RIMS1: variants seen among roughly 807,000 people sequenced by gnomAD.
The protein encoded by RIMS1 is regulating synaptic membrane exocytosis protein 1.
RIMS1 carries 83 observed loss-of-function variants against 214.1 expected under a neutral mutation model. The observed-to-expected ratio is 0.39, with a 90% CI of 0.32 to 0.47. The LOEUF is 0.47. RIMS1 is among the 20% of genes least tolerant of loss of function. The probability of loss-of-function intolerance (pLI) is 0.99; values close to 1 mark genes in which losing one functional copy is unlikely to be tolerated. For missense variants in RIMS1, 2,050 were observed against 2,161.8 expected (o/e 0.95, Z 1.03); for synonymous variants, 793 against 786.8 (o/e 1.01, Z -0.13).
chr6:72,301,379 TCTCA>T (rs2094586573), intron 26 of RIMS1, among the ~76,000 whole-genome samples: 2 of 151,808 alleles, frequency 1.3e-5, no homozygotes, highest in South Asian at 4.1e-4. Flanking sequence ...CATCAAAGTC[TCTCA>T]CTATGTTTGC....
chr6:72,120,194 G>A (rs967737970), intron 4 of RIMS1, among the ~76,000 whole-genome samples: 1 of 151,788 alleles, frequency 6.6e-6, no homozygotes, highest in Non-Finnish European at 1.5e-5. Context: ...GGGTCAAATG[G>A]TATTTCTAGT....
chr6:71,958,291 CCAGTGAAGCT>C (rs1337760260), intron 1 of RIMS1, among the ~76,000 whole-genome samples: 5 of 152,044 alleles, frequency 3.3e-5, no homozygotes, highest in African/African-American at 1.2e-4. Context: ...TCAGGGTTTC[CCAGTGAAGCT>C]GTGGAACACA....
At chr6:72,279,144 T>C (rs2088559887) in intron 23 of RIMS1, among the ~76,000 whole-genome samples, 1 of 152,024 alleles carries the variant, frequency 6.6e-6, no homozygotes, top group Non-Finnish European at 1.5e-5. Context: ...AAAAGCTTTA[T>C]TTACCAACGT....
At chr6:72,300,244 G>A (rs987603864) in intron 26 of RIMS1, among the ~76,000 whole-genome samples, 1 of 151,670 alleles carries the variant, frequency 6.6e-6, no homozygotes, top group African/African-American at 2.4e-5. Flanking sequence ...AGTGTCATAG[G>A]CTTTTAAAGC....
intron 6 of RIMS1, among the ~76,000 whole-genome samples, chr6:72,189,340 G>C (rs553984894): frequency 8.7e-4 from 132 of 152,330 alleles, no homozygotes; most frequent in African/African-American, 3.1e-3. Flanking sequence ...GGTAAGACCA[G>C]TGAATTTCAT....
chr6:71,959,184 T>G (rs1196541279), intron 1 of RIMS1, among the ~76,000 whole-genome samples: 1 of 152,130 alleles, frequency 6.6e-6, no homozygotes, highest in African/African-American at 2.4e-5. Context: ...TAATAACACA[T>G]TTTCATATCT....
chr6:72,333,609 C>T lies in RIMS1; in HGVS notation c.4140C>T (p.Thr1380=). 1 of 1,585,230 alleles carries T rather than the reference C, an allele frequency of 6.3e-7. No homozygotes were observed. Among genetic ancestry groups the T allele is most frequent in the Non-Finnish European group, 8.6e-7 (1 of 1,165,082 alleles). ...ERPRGRISSF[T]PKMQGRRMGT... ...TACTTTGTAAATATAGTTCATTTAC[C>T]CCCAAAATGCAAGGCAGACGGATGG... Residue 1380 remains threonine, a synonymous_variant, in exon 29 of 34, where the codon ACC becomes ACT. Transcript: ENST00000521978.
chr6:72,351,853 A>T (rs1047550910), intron 29 of RIMS1, among the ~76,000 whole-genome samples: 1 of 152,176 alleles, frequency 6.6e-6, no homozygotes, highest in African/African-American at 2.4e-5. Flanking sequence ...TATAACATGT[A>T]TATCTATATA....
intron 9 of RIMS1, among the ~76,000 whole-genome samples, chr6:72,241,178 A>T (rs71557816): frequency 1.3e-5 from 2 of 152,230 alleles, no homozygotes; most frequent in Non-Finnish European, 2.9e-5. Context: ...TATTTAAAAA[A>T]TTCTAGGTAT....
intron 2 of RIMS1, among the ~76,000 whole-genome samples, chr6:72,032,607 A>G (rs544982021): frequency 9.9e-5 from 15 of 152,070 alleles, no homozygotes; most frequent in South Asian, 4.1e-4. Context: ...ATCAGATTTC[A>G]CCCCCACTCC....
At chr6:71,892,978 A>G (rs1228504962) in intron 1 of RIMS1, among the ~76,000 whole-genome samples, 1 of 152,228 alleles carries the variant, frequency 6.6e-6, no homozygotes, top group Non-Finnish European at 1.5e-5. Flanking sequence ...CAGATTTTAT[A>G]TGTAAAGTGG....
intron 6 of RIMS1, among the ~76,000 whole-genome samples, chr6:72,211,029 A>G (rs996625798): frequency 5.3e-5 from 8 of 152,192 alleles, no homozygotes; most frequent in African/African-American, 1.4e-4. Flanking sequence ...GGTTTAGTCA[A>G]TGAAAACCTC....
intron 26 of RIMS1, among the ~76,000 whole-genome samples, chr6:72,298,252 T>C (rs945856177): frequency 6.6e-6 from 1 of 152,030 alleles, no homozygotes; most frequent in Non-Finnish European, 1.5e-5. Flanking sequence ...ATAGGCTATA[T>C]TGAGCACTTA....
chr6:72,378,869 C>T (rs2098438761), intron 29 of RIMS1, among the ~76,000 whole-genome samples: 1 of 152,076 alleles, frequency 6.6e-6, no homozygotes, highest in Non-Finnish European at 1.5e-5. Flanking sequence ...GAAAAGGACA[C>T]CTCTGTTTAT....
chr6:72,087,560 T>A (rs1419052356), intron 2 of RIMS1, among the ~76,000 whole-genome samples: 1 of 152,202 alleles, frequency 6.6e-6, no homozygotes, highest in African/African-American at 2.4e-5. Flanking sequence ...AACACTCTCA[T>A]AATAAGCAGA....
chr6:72,041,841 CT>C (rs759005602), intron 2 of RIMS1, among the ~76,000 whole-genome samples: 15 of 151,998 alleles, frequency 9.9e-5, no homozygotes, highest in Middle Eastern at 3.4e-3. Flanking sequence ...GATAGATACT[CT>C]TCTTATTTTA....
intron 19 of RIMS1, chr6:72,260,999 T>C: frequency 7.6e-7 from 1 of 1,307,384 alleles, no homozygotes; most frequent in South Asian, 1.5e-5. Context: ...CAGAGACTAG[T>C]GGGCCTCTCT....
At chr6:72,045,734 A>AT (rs1453103460) in intron 2 of RIMS1, among the ~76,000 whole-genome samples, 1 of 151,398 alleles carries the variant, frequency 6.6e-6, no homozygotes, top group East Asian at 1.9e-4. Flanking sequence ...TTTCATTTGT[A>AT]TTTTTTTACT....
intron 1 of RIMS1, among the ~76,000 whole-genome samples, chr6:71,896,991 A>C (rs780240697): frequency 3.2e-4 from 48 of 152,020 alleles, no homozygotes; most frequent in Non-Finnish European, 6.6e-4. Context: ...CCACCTGTTA[A>C]ATTTCTCTAC....
Sources: gnomAD v4.1 joint callset for allele counts (sites outside exome capture counted in the v4.1 genomes callset) on GRCh38, gnomAD v4.1.1 for gene constraint, MANE v1.5 for transcripts, NCBI Gene and HGNC (gene_info 2026-07-23, HGNC 2026-07-21) for gene names.